Variants in STRBP observed in about 807,000 individuals in gnomAD.
STRBP encodes spermatid perinuclear RNA-binding protein.
STRBP carries 13 observed loss-of-function variants against 80.1 expected under a neutral mutation model. The observed-to-expected ratio is 0.16, with a 90% CI of 0.11 to 0.26. STRBP has a LOEUF of 0.26. STRBP is among the 10% of genes least tolerant of loss of function. The pLI, the probability that STRBP is intolerant of heterozygous loss-of-function variation, is 1.00. For synonymous variants in STRBP, 284 were observed against 291.2 expected (o/e 0.98, Z 0.25); for missense variants, 485 against 815.2 (o/e 0.59, Z 4.93).
chr9:123,144,700 T>C (rs1013537347), intron 13 of STRBP, among the ~76,000 whole-genome samples: 1 of 152,128 alleles, frequency 6.6e-6, no homozygotes, highest in African/African-American at 2.4e-5. Context: ...ACATTTATAA[T>C]AAGATTTAAA....
At chr9:123,238,023 A>T (rs1019552054) in intron 1 of STRBP, among the ~76,000 whole-genome samples, 108 of 152,272 alleles carry the variant, frequency 7.1e-4, no homozygotes, top group African/African-American at 2.5e-3. Flanking sequence ...CTGTCTCTGT[A>T]AAATGAGAAT....
intron 11 of STRBP, among the ~76,000 whole-genome samples, chr9:123,155,838 A>G (rs1449125482): frequency 3.3e-5 from 5 of 152,132 alleles, no homozygotes; most frequent in Admixed American, 3.3e-4. Flanking sequence ...ATGCATAAGG[A>G]AATCACCGAG....
intron 2 of STRBP, among the ~76,000 whole-genome samples, chr9:123,234,175 T>C (rs1211252243): frequency 7.3e-6 from 1 of 136,390 alleles, no homozygotes; most frequent in Non-Finnish European, 1.5e-5. Flanking sequence ...CACTCCAGCC[T>C]GGGCGACAGA....
At chr9:123,243,209 GGAA>G (rs1385304740) in intron 1 of STRBP, among the ~76,000 whole-genome samples, 17 of 147,442 alleles carry the variant, frequency 1.2e-4, no homozygotes, top group African/African-American at 3.6e-4. Context: ...GCAATTAAAT[GGAA>G]GAAGGATAGC....
At chr9:123,263,986 T>C (rs1468011609) in intron 1 of STRBP, among the ~76,000 whole-genome samples, 1 of 152,210 alleles carries the variant, frequency 6.6e-6, no homozygotes, top group East Asian at 1.9e-4. Context: ...GAGACCGTCC[T>C]GGCCAACATG....
At chr9:123,140,647 C>T (rs1357936880) in intron 13 of STRBP, among the ~76,000 whole-genome samples, 1 of 152,078 alleles carries the variant, frequency 6.6e-6, no homozygotes, top group Non-Finnish European at 1.5e-5. Context: ...AAGATTCAGT[C>T]TCTAGGTTTA....
chr9:123,167,186 GTGTGTA>G (rs1326351391), intron 6 of STRBP, among the ~76,000 whole-genome samples: 2 of 151,994 alleles, frequency 1.3e-5, no homozygotes, highest in Non-Finnish European at 2.9e-5. Flanking sequence ...AAGATGTGAG[GTGTGTA>G]TGTATTGTGA....
At position 123,126,249 on chromosome 9, in the gene STRBP, C is replaced by T. The variant is rs933361906; in HGVS notation, c.1943-576G>A. ...GCATGATTTGAAATCTGCTCCTCTTCCTATGCTAATATTTAACCTATGGAG... is the reference window on the plus strand; with the variant it reads ...GCATGATTTGAAATCTGCTCCTCTTTCTATGCTAATATTTAACCTATGGAG... On this transcript the variant is annotated intron_variant, in intron 18 of 18. Transcript: ENST00000348403. The surrounding 1 kb of genome is among the most constrained non-coding windows in gnomAD (Gnocchi z 4.4). Among the ~76,000 whole-genome samples, 2 of 152,190 alleles carry T rather than the reference C, an allele frequency of 1.3e-5. No homozygotes were observed. The highest frequency in any genetic ancestry group is 2.9e-5 in the Non-Finnish European group (2 of 68,046).
chr9:123,198,654 C>T (rs1002811366), intron 2 of STRBP, among the ~76,000 whole-genome samples: 4 of 152,076 alleles, frequency 2.6e-5, no homozygotes, highest in African/African-American at 9.7e-5. Flanking sequence ...GGGGTCTTAG[C>T]CATAAATTCT....
chr9:123,260,700 T>C (rs1347376204), intron 1 of STRBP, among the ~76,000 whole-genome samples: 1 of 152,176 alleles, frequency 6.6e-6, no homozygotes, highest in Non-Finnish European at 1.5e-5. Context: ...AAGTATATGA[T>C]GTCTAAGATT....
chr9:123,219,098 C>T (rs77218079), intron 2 of STRBP, among the ~76,000 whole-genome samples: 2 of 151,906 alleles, frequency 1.3e-5, no homozygotes, highest in Admixed American at 6.6e-5. Context: ...TGTATCACCC[C>T]GTCCCTAAAC....
intron 1 of STRBP, among the ~76,000 whole-genome samples, chr9:123,247,155 C>T (rs2040816289): frequency 6.6e-6 from 1 of 152,154 alleles, no homozygotes; most frequent in African/African-American, 2.4e-5. Context: ...CCTCAAAAAG[C>T]TATCCTTTGA....
intron 2 of STRBP, among the ~76,000 whole-genome samples, chr9:123,192,314 C>CA (rs1160752153): frequency 6.6e-6 from 1 of 151,576 alleles, no homozygotes; most frequent in African/African-American, 2.4e-5. Flanking sequence ...CCAATGAATA[C>CA]AAAAAAAGCA....
chr9:123,146,720 A>G (rs911288356), intron 13 of STRBP, 135 bp downstream of exon 13: 1 of 775,974 alleles, frequency 1.3e-6, no homozygotes. Context: ...TTTGTTATCC[A>G]GAAGTAACAA....
chr9:123,146,816 A>C, intron 13 of STRBP, 39 bp downstream of exon 13: 1 of 1,522,114 alleles, frequency 6.6e-7, no homozygotes, highest in Non-Finnish European at 8.9e-7. Context: ...TTTGGAACAT[A>C]AAATAAGAAA....
At chr9:123,147,941 C>T (rs747029254) in intron 11 of STRBP, 71 bp from the exon 12 acceptor site, 1 of 1,283,208 alleles carries the variant, frequency 7.8e-7, no homozygotes, top group Non-Finnish European at 1.1e-6. Context: ...ATGTATCTAA[C>T]ATGTTCAGGT....
downstream of STRBP, among the ~76,000 whole-genome samples, chr9:123,118,396 C>A (rs906618864): frequency 3.9e-5 from 6 of 152,230 alleles, no homozygotes; most frequent in Admixed American, 3.9e-4. Context: ...AGTGCTGAAA[C>A]TGCCTGGGCA....
At chr9:123,229,940 T>C (rs1481475817) in intron 2 of STRBP, among the ~76,000 whole-genome samples, 1 of 152,168 alleles carries the variant, frequency 6.6e-6, no homozygotes, top group African/African-American at 2.4e-5. Flanking sequence ...TATGAAGGTA[T>C]GTGTTTTCCA....
intron 16 of STRBP, among the ~76,000 whole-genome samples, chr9:123,133,569 C>T (rs2036231906): frequency 1.3e-5 from 2 of 151,522 alleles, no homozygotes; most frequent in South Asian, 4.2e-4. Context: ...GACGGAGTCT[C>T]GCTCTGTCAC....
Sources: allele counts gnomAD v4.1 joint callset (sites outside exome capture counted in the v4.1 genomes callset), GRCh38; gene constraint gnomAD v4.1.1; non-coding constraint Gnocchi (gnomAD v3.1); transcripts MANE v1.5; gene names NCBI Gene and HGNC (gene_info 2026-07-23, HGNC 2026-07-21).